The following DPP4 variants were observed in gnomAD, a reference collection of about 807,000 sequenced individuals.
The protein encoded by DPP4 is dipeptidyl peptidase 4, also known as ADCP-2.
Under a neutral mutation model 122.4 loss-of-function variants are expected in DPP4, and 93 were observed. The ratio of observed to expected loss-of-function variants is 0.76; its 90% CI spans 0.64 to 0.90. DPP4 has a LOEUF of 0.90. Ranked by LOEUF, DPP4 falls within the 40% of genes least tolerant of loss-of-function variation. The pLI, the probability that DPP4 is intolerant of heterozygous loss-of-function variation, is 0.00. For missense variants in DPP4, 914 were observed against 907.3 expected (o/e 1.01, Z -0.09); for synonymous variants, 321 against 302.9 (o/e 1.06, Z -0.62).
chr2:162,043,279 C>T (rs966862716), intron 5 of DPP4, among the ~76,000 whole-genome samples: 5 of 152,124 alleles, frequency 3.3e-5, no homozygotes, highest in Admixed American at 6.5e-5. Context: ...TGTGTTCAGC[C>T]GGGCAGACTG....
In DPP4 at chr2:162,047,489, G is replaced by A. The variant is rs1435990465; in HGVS notation, c.107C>T (p.Thr36Ile). Residue 36 changes from threonine (T) to isoleucine (I), a missense_variant, in exon 3 of 26, where the codon ACA becomes ATA. By Grantham distance (89) the Thr-to-Ile change is moderately conservative (BLOSUM62 -1). Transcript: ENST00000360534. ...VLLNKGTDDA[T>I]ADSRKTYTLT... ...AGTGTAAGTTTTGCGACTGTCAGCT[G>A]TAGCATCATCTGCTGGTTGAAAGAA... The A allele has an allele frequency of 6.4e-7, 1 of 1,571,990 alleles. No individual in the cohort carries two copies. Among genetic ancestry groups the A allele is most frequent in the Admixed American group, 1.7e-5 (1 of 59,476 alleles).
intron 21 of DPP4, 86 bp from the exon 22 acceptor site, chr2:162,008,747 CT>C: frequency 8.6e-7 from 1 of 1,158,258 alleles, no homozygotes; most frequent in Non-Finnish European, 1.3e-6. Flanking sequence ...TTTCTCACAT[CT>C]TTATATACTG....
At chr2:162,056,703 CCTTT>C (rs1251857596) in intron 2 of DPP4, among the ~76,000 whole-genome samples, 25 of 152,264 alleles carry the variant, frequency 1.6e-4, no homozygotes, top group Admixed American at 9.8e-4. Context: ...ACTGAGATTG[CCTTT>C]CTAAGACGAA....
At chr2:162,036,161 C>T (rs748789092) in intron 8 of DPP4, among the ~76,000 whole-genome samples, 12 of 152,032 alleles carry the variant, frequency 7.9e-5, no homozygotes, top group East Asian at 3.9e-4. Context: ...TGGGTGGAGA[C>T]GCCTAGATAT....
chr2:162,055,099 C>T (rs774450815), intron 2 of DPP4, among the ~76,000 whole-genome samples: 2 of 152,152 alleles, frequency 1.3e-5, no homozygotes, highest in Non-Finnish European at 2.9e-5. Context: ...AGTTTCACTA[C>T]GTTCATAATG....
intron 10 of DPP4, among the ~76,000 whole-genome samples, chr2:162,032,890 A>C (rs1323138519): frequency 6.6e-6 from 1 of 152,162 alleles, no homozygotes; most frequent in African/African-American, 2.4e-5. Flanking sequence ...GAAGTCTTGG[A>C]GCACAAAATG....
At chr2:162,063,403 A>G (rs1684848836) in intron 2 of DPP4, among the ~76,000 whole-genome samples, 1 of 152,068 alleles carries the variant, frequency 6.6e-6, no homozygotes, top group Non-Finnish European at 1.5e-5. Flanking sequence ...AGGCCATGGG[A>G]GTGGATGAGG....
intron 23 of DPP4, among the ~76,000 whole-genome samples, chr2:161,996,414 G>A (rs1460149269): frequency 6.6e-6 from 1 of 152,106 alleles, no homozygotes. Context: ...TGAAAGCCAA[G>A]GTTTATATTT....
intron 25 of DPP4, among the ~76,000 whole-genome samples, chr2:161,994,058 A>T (rs959633922): frequency 2.0e-5 from 3 of 152,248 alleles, no homozygotes; most frequent in African/African-American, 7.2e-5. Flanking sequence ...TTATTGATTC[A>T]TACCTTGTTA....
chr2:162,002,942 A>G (rs2106077988), intron 23 of DPP4, among the ~76,000 whole-genome samples: 1 of 152,336 alleles, frequency 6.6e-6, no homozygotes, highest in South Asian at 2.1e-4. Flanking sequence ...GCAACTTACC[A>G]CGGTGGAGAC....
chr2:162,044,155 A>G (rs975123981), intron 5 of DPP4, among the ~76,000 whole-genome samples: 1 of 152,250 alleles, frequency 6.6e-6, no homozygotes, highest in African/African-American at 2.4e-5. Context: ...TGTATTCTAT[A>G]GATAGAAATA....
chr2:162,031,346 A>C (rs1040737071), intron 10 of DPP4, among the ~76,000 whole-genome samples: 10 of 152,222 alleles, frequency 6.6e-5, no homozygotes, highest in Non-Finnish European at 1.5e-4. Context: ...ACTGAGAAGC[A>C]ATCTCCCATT....
chr2:162,044,378 G>A (rs1366789044), intron 5 of DPP4, among the ~76,000 whole-genome samples: 1 of 152,034 alleles, frequency 6.6e-6, no homozygotes, highest in Non-Finnish European at 1.5e-5. Flanking sequence ...GGTTTGCTTG[G>A]CCTGAGTACA....
At chr2:162,044,934 A>C (rs567498335) in intron 5 of DPP4, among the ~76,000 whole-genome samples, 2 of 147,172 alleles carry the variant, frequency 1.4e-5, no homozygotes, top group Admixed American at 6.7e-5. Context: ...GGAAAGTTTA[A>C]CTCTTCCTTT....
intron 23 of DPP4, among the ~76,000 whole-genome samples, chr2:162,002,424 C>T (rs777466102): frequency 6.6e-6 from 1 of 152,160 alleles, no homozygotes; most frequent in Non-Finnish European, 1.5e-5. Context: ...TAAATAGCCA[C>T]GTATCAGTGG....
At chr2:162,019,351 C>A in intron 14 of DPP4, 75 bp from the exon 15 acceptor site, 7 of 1,057,818 alleles carry the variant, frequency 6.6e-6, no homozygotes, top group Non-Finnish European at 8.3e-6. Flanking sequence ...CGCACTCAGA[C>A]CCCAAGCCTA....
At chr2:162,056,441 G>T (rs915244704) in intron 2 of DPP4, among the ~76,000 whole-genome samples, 2 of 152,188 alleles carry the variant, frequency 1.3e-5, no homozygotes, top group African/African-American at 4.8e-5. Context: ...TGTAGTGTAG[G>T]AAGAGGAGTG....
intron 20 of DPP4, among the ~76,000 whole-genome samples, chr2:162,010,237 C>A (rs1447686850): frequency 6.6e-6 from 1 of 152,178 alleles, no homozygotes; most frequent in Non-Finnish European, 1.5e-5. Context: ...TTTGATCAAC[C>A]TTTACAAAGT....
chr2:162,009,191 G>C (rs1209470028), intron 21 of DPP4, 50 bp downstream of exon 21: 1 of 1,565,690 alleles, frequency 6.4e-7, no homozygotes, highest in East Asian at 2.2e-5. Context: ...AACCTGCTCT[G>C]AGTGATATTC....
Sources: allele counts gnomAD v4.1 joint callset (sites outside exome capture counted in the v4.1 genomes callset), GRCh38; gene constraint gnomAD v4.1.1; transcripts MANE v1.5; gene names NCBI Gene and HGNC (gene_info 2026-07-23, HGNC 2026-07-21).